Variants in MDGA1 observed in about 807,000 individuals in gnomAD.
MDGA1 encodes the protein MAM domain containing glycosylphosphatidylinositol anchor 1.
MDGA1 carries 54 observed loss-of-function variants against 101.5 expected under a neutral mutation model. That is an observed-to-expected ratio of 0.53 (90% CI 0.43 to 0.67). The LOEUF (loss-of-function observed/expected upper bound fraction) is 0.67. Ranked by LOEUF, MDGA1 falls within the 30% of genes least tolerant of loss-of-function variation. The pLI, the probability that MDGA1 is intolerant of heterozygous loss-of-function variation, is 0.00. For missense variants in MDGA1, 1,083 were observed against 1,323.8 expected, an observed-to-expected ratio of 0.82 and a Z score of 2.82; for synonymous variants, 533 against 558.3, an observed-to-expected ratio of 0.95 and a Z score of 0.64.
At chr6:37,657,807 T>C (rs1195729369) in intron 3 of MDGA1, among the ~76,000 whole-genome samples, 1 of 152,096 alleles carries the variant, frequency 6.6e-6, no homozygotes, top group Non-Finnish European at 1.5e-5. Context: ...GGCTTGGTCC[T>C]ATATGTAATG....
In MDGA1 at chr6:37,655,525, C is replaced by A. The variant is rs1184787596; in HGVS notation, c.579+175G>T. ...TCCTGCCCTCATTGCTGCTCCCTGA[C>A]CTTTCCATCTGATTTTTCTGCCCCA... On this transcript the variant is annotated intron_variant, in intron 4 of 16. Transcript: ENST00000434837. The surrounding 1 kb of genome is among the most constrained non-coding windows in gnomAD (Gnocchi z 5.1). 8.3e-6 allele frequency: 5 copies of A among 600,190 alleles called. No individual in the cohort carries two copies. In the East Asian group the frequency reaches 8.6e-5, roughly 10 times the overall value. 37.2% of individuals were successfully genotyped at this position (600,190 alleles called of 1,614,324 possible).
At chr6:37,659,710 T>C (rs1193752040) in intron 2 of MDGA1, among the ~76,000 whole-genome samples, 3 of 152,112 alleles carry the variant, frequency 2.0e-5, no homozygotes. Context: ...ACCTTTCTCA[T>C]GCAGGGAGGG....
Position 37,637,179 on chromosome 6 carries a change from T to C in MDGA1, c.*189A>G. ...TGTGCGTGTGTGCAAGTGGAACAGC[T>C]GTCTCCAGGGCCTCAGTGCCTGGCC... On this transcript the variant is annotated 3_prime_UTR_variant, in exon 17 of 17. Transcript: ENST00000434837. 1 of 567,950 alleles carries C rather than the reference T, an allele frequency of 1.8e-6. No homozygotes were observed. The highest frequency in any genetic ancestry group is 3.2e-6 in the Non-Finnish European group (1 of 316,422). The allele number at this position is 567,950 out of a possible 1,614,324, so 35.2% of individuals were successfully genotyped here.
chr6:37,685,945 C>T (rs533035626), intron 1 of MDGA1, among the ~76,000 whole-genome samples: 5 of 152,294 alleles, frequency 3.3e-5, no homozygotes, highest in Middle Eastern at 6.8e-3. Context: ...CAGTCATTCA[C>T]ATTCATCTAA....
At chr6:37,639,677 C>T (rs1332948478) in intron 14 of MDGA1, 1 of 152,224 alleles carries the variant, frequency 6.6e-6, no homozygotes. Context: ...TCCCTGACCA[C>T]CCCATGTAAA....
chr6:37,665,215 G>A (rs945416154), intron 1 of MDGA1, among the ~76,000 whole-genome samples: 5 of 152,144 alleles, frequency 3.3e-5, no homozygotes, highest in Admixed American at 6.6e-5. Flanking sequence ...GCCCCCCAGT[G>A]CTTAAACTCT....
At chr6:37,695,895 G>A (rs1156288629) in intron 1 of MDGA1, among the ~76,000 whole-genome samples, 1 of 152,150 alleles carries the variant, frequency 6.6e-6, no homozygotes, top group East Asian at 1.9e-4. Context: ...CCAGGTGACT[G>A]AATGGATGAT....
At chr6:37,637,965 C>T (rs1763968208) in intron 16 of MDGA1, 1 of 581,158 alleles carries the variant, frequency 1.7e-6, no homozygotes. Context: ...CGCTCTGATA[C>T]CGTGAACAGG....
At chr6:37,676,352 C>G (rs1336836878) in intron 1 of MDGA1, among the ~76,000 whole-genome samples, 2 of 152,238 alleles carry the variant, frequency 1.3e-5, no homozygotes, top group African/African-American at 4.8e-5. Flanking sequence ...CAAAGCACCA[C>G]CTGATCAAAA....
intron 2 of MDGA1, among the ~76,000 whole-genome samples, chr6:37,663,576 T>C (rs911181674): frequency 6.6e-6 from 1 of 152,218 alleles, no homozygotes; most frequent in African/African-American, 2.4e-5. Flanking sequence ...CACTAATGCC[T>C]TCCTCACTGC....
Position 37,655,196 on chromosome 6 carries a change from T to C in MDGA1, c.580-264A>G. On this transcript the variant is annotated intron_variant, in intron 4 of 16. Transcript: ENST00000434837. The surrounding 1 kb of genome is among the most constrained non-coding windows in gnomAD (Gnocchi z 5.1). Reference sequence around the variant, plus strand: ...CACACTGGCAAGTACCAGGCCTTGGTTTCTCCAGTCTGGGAAACGGAGGGG... The same window carrying C: ...CACACTGGCAAGTACCAGGCCTTGGCTTCTCCAGTCTGGGAAACGGAGGGG... 1 of 521,308 alleles carries C rather than the reference T, an allele frequency of 1.9e-6. No individual in the cohort carries two copies. Among genetic ancestry groups the C allele is most frequent in the Admixed American group, 3.5e-5 (1 of 28,558 alleles). The allele number at this position is 521,308 out of a possible 1,614,324, so 32.3% of individuals were successfully genotyped here. A position where few individuals can be genotyped will look rare whatever the true frequency, so the allele number is the denominator to read the frequency against.
intron 1 of MDGA1, among the ~76,000 whole-genome samples, chr6:37,684,714 G>C (rs547272428): frequency 6.6e-6 from 1 of 152,258 alleles, no homozygotes; most frequent in South Asian, 2.1e-4. Flanking sequence ...CTCACTCCTT[G>C]CCATACCCTC....
intron 16 of MDGA1, chr6:37,637,844 T>C: frequency 1.9e-6 from 1 of 526,284 alleles, no homozygotes; most frequent in Non-Finnish European, 3.3e-6. Flanking sequence ...ACAGAGTAAT[T>C]GCTCAGTAAG....
At chr6:37,679,607 C>T (rs1174531011) in intron 1 of MDGA1, among the ~76,000 whole-genome samples, 3 of 152,284 alleles carry the variant, frequency 2.0e-5, no homozygotes, top group South Asian at 2.1e-4. Flanking sequence ...CCTCCCATGC[C>T]GCCTCCCTGG....
chr6:37,660,181 T>G (rs141715393), intron 2 of MDGA1, among the ~76,000 whole-genome samples: 77,153 of 143,136 alleles, frequency 0.54, 20,680 homozygotes, highest in East Asian at 0.67. Context: ...CCTGGCTAAT[T>G]TTTTTTTTTT....
At position 37,646,224 on chromosome 6, in the gene MDGA1, G is replaced by A; in HGVS notation, c.2198C>T (p.Ala733Val). 6.3e-7 allele frequency: 1 copy of A among 1,589,698 alleles called. No homozygotes were observed. The highest frequency in any genetic ancestry group is 8.6e-7 in the Non-Finnish European group (1 of 1,165,436). ...PYTTFGAGDM[A>V]SRIIHYTEPI... is the part of the protein sequence containing the mutation. ...CTCTGTGTAGTGGATGATGCGGGAG[G>A]CCATGTCACCAGCCCCGAAGGTGGT... is the stretch of plus-strand genomic sequence containing the variant. The change falls in exon 11 of 17, where the codon GCC becomes GTC. Residue 733 changes from alanine to valine, a missense_variant. Ala to Val is a moderately conservative substitution (Grantham distance 64). Coordinates refer to ENST00000434837, the MANE Select transcript of MDGA1 (RefSeq NM_153487.4).
rs978771474 is a variant in MDGA1, at chr6:37,652,412, C to T, written c.983-72G>A. Reference sequence around the variant, plus strand: ...CAGGGGTCCATGTCCCACCCCAACCCAGACCCAGCTTCTCCCCTCTAGCTG... The same window carrying T: ...CAGGGGTCCATGTCCCACCCCAACCTAGACCCAGCTTCTCCCCTCTAGCTG... On this transcript the variant is annotated intron_variant, in intron 6 of 16. Coordinates refer to ENST00000434837, the MANE Select transcript of MDGA1 (RefSeq NM_153487.4). This position sits in a 1 kb window ranked among gnomAD's most constrained non-coding sequence, Gnocchi z 4.3. 28 of 1,236,998 alleles carry T rather than the reference C, an allele frequency of 2.3e-5. No homozygotes were observed. Among genetic ancestry groups the T allele is most frequent in the Non-Finnish European group, 2.1e-5 (19 of 893,246 alleles). The allele number at this position is 1,236,998 out of a possible 1,614,324, so 76.6% of individuals were successfully genotyped here.
At position 37,636,832 on chromosome 6, in the gene MDGA1, G is replaced by T. The variant is rs7748388; in HGVS notation, c.*536C>A. The stretch of plus-strand genomic sequence containing the variant: ...GTGGGACAGTCACAGAGCTCGCAAA[G>T]TCCCACCTGTTCGTCCTCTGATCCC... On this transcript the variant is annotated 3_prime_UTR_variant, in exon 17 of 17. Coordinates refer to ENST00000434837, the MANE Select transcript of MDGA1 (RefSeq NM_153487.4). 0.45 allele frequency: 68,348 copies of T among 152,674 alleles called. 16,352 individuals carry two copies. Among genetic ancestry groups the T allele is most frequent in the East Asian group, 0.6 (3,122 of 5,168 alleles). The allele number at this position is 152,674 out of a possible 1,614,324, so 9.5% of individuals were successfully genotyped here.
At chr6:37,686,902 C>T (rs902731724) in intron 1 of MDGA1, among the ~76,000 whole-genome samples, 1 of 152,218 alleles carries the variant, frequency 6.6e-6, no homozygotes, top group Non-Finnish European at 1.5e-5. Context: ...TTCTAGCAAA[C>T]AGGCCTGGGG....
Sources: gnomAD v4.1 joint callset for allele counts (sites outside exome capture counted in the v4.1 genomes callset) on GRCh38, gnomAD v4.1.1 for gene constraint, Gnocchi (gnomAD v3.1) non-coding constraint, MANE v1.5 for transcripts, NCBI Gene and HGNC (gene_info 2026-07-23, HGNC 2026-07-21) for gene names.